The following HEATR9 variants were observed in gnomAD, a reference collection of about 807,000 sequenced individuals.
HEATR9 encodes the protein HEAT repeat containing 9.
Under a neutral mutation model 68.2 loss-of-function variants are expected in HEATR9, and 54 were observed. That is an observed-to-expected ratio of 0.79 (90% CI 0.64 to 0.99). The LOEUF (loss-of-function observed/expected upper bound fraction) is 0.99, where lower values mean the gene tolerates loss of function less well. Among genes scored for constraint, HEATR9 ranks in the 50% least tolerant of loss-of-function variants. The probability of loss-of-function intolerance (pLI) is 0.00; values close to 1 mark genes in which losing one functional copy is unlikely to be tolerated. For synonymous variants in HEATR9, 241 were observed against 253.5 expected, an observed-to-expected ratio of 0.95 and a Z score of 0.47; for missense variants, 662 against 679.7, an observed-to-expected ratio of 0.97 and a Z score of 0.29.
chr17:35,856,464 GTTCTT>G, intron 12 of HEATR9: 1 of 1,168,962 alleles, frequency 8.6e-7, no homozygotes, highest in East Asian at 2.5e-5. Flanking sequence ...TTTAAAAAAA[GTTCTT>G]TTCATGTCAT....
chr17:35,856,336 C>T (rs1168073772), intron 12 of HEATR9, 112 bp from the exon 13 acceptor site: 1 of 1,610,920 alleles, frequency 6.2e-7, no homozygotes, highest in Non-Finnish European at 8.5e-7. Flanking sequence ...ATGCTAATTT[C>T]ATTCATTTCC....
chr17:35,858,218 C>T lies in HEATR9; in HGVS notation c.1134G>A (p.Thr378=), dbSNP rs764812078. ...ELTFNLLRRK[T]HNEPFLAVRQ... is the part of the protein sequence containing the mutation. ...CACTTACAAGGAAGGGTTCATTATG[C>T]GTCTTCCTCCTGAGCAGGTTAAATG... is the stretch of plus-strand genomic sequence containing the variant. The change falls in exon 11 of 15, where the codon ACG becomes ACA. Residue 378 remains threonine (T), a synonymous_variant. Coordinates refer to ENST00000604834, the MANE Select transcript of HEATR9 (RefSeq NM_152781.4). 1.5e-5 allele frequency: 24 copies of T among 1,613,976 alleles called. No individual in the cohort carries two copies. Among genetic ancestry groups the T allele is most frequent in the Middle Eastern group, 1.6e-4 (1 of 6,082 alleles).
rs559368025 is a variant in HEATR9 at position 35,861,298 on chromosome 17, A to G, written c.756+1697T>C. The G allele has an allele frequency of 1.2e-5, 17 of 1,387,668 alleles. No homozygotes were observed. In the South Asian group the frequency reaches 1.7e-4, roughly 14 times the overall value. The allele number at this position is 1,387,668 out of a possible 1,614,324, so 86.0% of individuals were successfully genotyped here. A position where few individuals can be genotyped will look rare whatever the true frequency, so the allele number is the denominator to read the frequency against. ...CTCTTCAACTCTCTTCATTGCGTCA[A>G]TAGTTTTATTCCATAGCTCTTGCTA... On this transcript the variant is annotated intron_variant, in intron 8 of 14. Transcript: ENST00000604834.
rs561372370 is a variant in HEATR9, at chr17:35,861,920, G to A, written c.756+1075C>T. Among the ~76,000 whole-genome samples, 6 of 151,488 alleles carry A rather than the reference G, an allele frequency of 4.0e-5. No individual in the cohort carries two copies. In the East Asian group the frequency reaches 9.7e-4, roughly 24 times the overall value. On this transcript the variant is annotated intron_variant, in intron 8 of 14. Transcript: ENST00000604834. The stretch of plus-strand genomic sequence containing the variant: ...GTTGCCCAGGCTGGAGTGCAATGGC[G>A]CGATCTTGGCTCACTGCAACCTCTG...
At chr17:35,865,141 CCCCTTCCTTG>C in intron 3 of HEATR9, 64 bp downstream of exon 3, 8 of 1,531,442 alleles carry the variant, frequency 5.2e-6, no homozygotes, top group Non-Finnish European at 7.1e-6. Flanking sequence ...CCCTGGCCCA[CCCCTTCCTTG>C]CCCTTCCTCA....
At chr17:35,856,703 T>C (rs1185008309) in intron 12 of HEATR9, 29 bp downstream of exon 12, 1 of 1,574,298 alleles carries the variant, frequency 6.4e-7, no homozygotes, top group Non-Finnish European at 8.6e-7. Context: ...AGCCTAGGAT[T>C]TGGCCCTGGC....
chr17:35,857,547 C>CA (rs1292588112), intron 11 of HEATR9, among the ~76,000 whole-genome samples: 4 of 152,158 alleles, frequency 2.6e-5, no homozygotes, highest in African/African-American at 9.7e-5. Flanking sequence ...ATCACGAGGT[C>CA]AGGAGATCGA....
intron 1 of HEATR9, among the ~76,000 whole-genome samples, 179 bp from the exon 2 acceptor site, chr17:35,866,952 A>G (rs917790370): frequency 6.6e-6 from 1 of 152,106 alleles, no homozygotes; most frequent in African/African-American, 2.4e-5. Context: ...TACTAAAAAT[A>G]CAAAAAAAAC....
chr17:35,865,693 G>A (rs571232132), intron 2 of HEATR9, among the ~76,000 whole-genome samples: 11 of 152,326 alleles, frequency 7.2e-5, no homozygotes, highest in African/African-American at 2.2e-4. Context: ...GAAGCCACTG[G>A]TGATCTGTAA....
At chr17:35,864,116 G>T in intron 6 of HEATR9, 130 bp downstream of exon 6, 1 of 711,048 alleles carries the variant, frequency 1.4e-6, no homozygotes, top group Admixed American at 2.2e-5. Flanking sequence ...ATGCTGCACA[G>T]TGGTGGCTGT....
In HEATR9 at chr17:35,855,672, T is replaced by G; in HGVS notation, c.1357A>C (p.Lys453Gln). The G allele has an allele frequency of 1.2e-6, 2 of 1,613,850 alleles. No individual in the cohort carries two copies. The highest frequency in any genetic ancestry group is 1.7e-6 in the Non-Finnish European group (2 of 1,179,932). ...LLDAENHQAVKKSLQETLILC... is the reference protein window; with the variant it reads ...LLDAENHQAVQKSLQETLILC... ...AGGAACGCCTTACTTACACTCTTCT[T>G]CACAGCCTGGTGGTTTTCTGCATCT... The change falls in exon 14 of 15, where the codon AAG becomes CAG. Residue 453 changes from lysine to glutamine, a missense_variant. Coordinates refer to ENST00000604834, the MANE Select transcript of HEATR9 (RefSeq NM_152781.4).
In HEATR9 at chr17:35,861,389, C is replaced by T. The variant is rs943955424; in HGVS notation, c.756+1606G>A. 5 of 1,606,628 alleles carry T rather than the reference C, an allele frequency of 3.1e-6. No homozygotes were observed. The African/African-American group carries it at 5.4e-5, about 17-fold the overall frequency. On this transcript the variant is annotated intron_variant, in intron 8 of 14. Coordinates refer to ENST00000604834, the MANE Select transcript of HEATR9 (RefSeq NM_152781.4). ...GAATTATCCACTGTAAGCTCTTTAC[C>T]AGCTGCTTTCCGGAATGCTTTGGTC...
chr17:35,867,474 G>A (rs1440012276), intron 1 of HEATR9, among the ~76,000 whole-genome samples: 4 of 148,608 alleles, frequency 2.7e-5, no homozygotes, highest in African/African-American at 9.9e-5. Flanking sequence ...CAGTTGCAAA[G>A]GTAGGTTAAA....
Position 35,861,093 on chromosome 17 carries a change from G to T in HEATR9, c.756+1902C>A. On this transcript the variant is annotated intron_variant, in intron 8 of 14. Coordinates refer to ENST00000604834, the MANE Select transcript of HEATR9 (RefSeq NM_152781.4). Reference sequence around the variant, plus strand: ...AGAGATTTTAAAGAAGCATCCTCTTGTCCACATCCTCTTGTAACTGTTGTA... The same window carrying T: ...AGAGATTTTAAAGAAGCATCCTCTTTTCCACATCCTCTTGTAACTGTTGTA... The T allele has an allele frequency of 8.2e-6, 8 of 981,260 alleles. No homozygotes were observed. In the South Asian group the frequency reaches 1.0e-4, roughly 13 times the overall value. 60.8% of individuals were successfully genotyped at this position (981,260 alleles called of 1,614,324 possible). A position where few individuals can be genotyped will look rare whatever the true frequency, so the allele number is the denominator to read the frequency against.
At chr17:35,856,257 A>C in intron 12 of HEATR9, 33 bp from the exon 13 acceptor site, 1 of 1,613,960 alleles carries the variant, frequency 6.2e-7, no homozygotes, top group Non-Finnish European at 8.5e-7. Context: ...GTTATAGTTG[A>C]ATTAAGGAGT....
At chr17:35,866,611 G>T in intron 2 of HEATR9, 113 bp downstream of exon 2, 1 of 990,822 alleles carries the variant, frequency 1.0e-6, no homozygotes, top group Non-Finnish European at 1.6e-6. Context: ...GTTAATGGCA[G>T]CCCCAGGGGT....
rs779785618 is a variant in HEATR9, at chr17:35,864,935, CCCT to C, written c.321-48_321-46del. The stretch of plus-strand genomic sequence containing the variant: ...GGCAGCTTTGGTCCCTTTGTACCTT[CCCT>C]CCTCAGGTTGCAACCTCACTTCTGC... On this transcript the variant is annotated intron_variant, in intron 3 of 14. Coordinates refer to ENST00000604834, the MANE Select transcript of HEATR9 (RefSeq NM_152781.4). 7.4e-6 allele frequency: 12 copies of C among 1,613,348 alleles called. 1 individual carries two copies. In the East Asian group the frequency reaches 8.9e-5, roughly 12 times the overall value.
chr17:35,857,961 C>T (rs1301440601), intron 11 of HEATR9, among the ~76,000 whole-genome samples: 1 of 151,828 alleles, frequency 6.6e-6, no homozygotes, highest in African/African-American at 2.4e-5. Context: ...CTTACTGGTG[C>T]GAGTGAATAG....
chr17:35,861,174 G>C (rs146819369), intron 8 of HEATR9: 2 of 1,596,084 alleles, frequency 1.3e-6, no homozygotes, highest in African/African-American at 2.7e-5. Context: ...GGATAAGATG[G>C]ATGTTTTGCT....
Sources: gnomAD v4.1 joint callset for allele counts (sites outside exome capture counted in the v4.1 genomes callset) on GRCh38, gnomAD v4.1.1 for gene constraint, MANE v1.5 for transcripts, NCBI Gene and HGNC (gene_info 2026-07-23, HGNC 2026-07-21) for gene names.